Variants in SIPA1L1 observed in about 807,000 individuals in gnomAD.
SIPA1L1 encodes the protein signal induced proliferation associated 1 like 1.
A neutral mutation model predicts 162.7 loss-of-function variants in SIPA1L1; 26 were observed. The ratio of observed to expected loss-of-function variants is 0.16; its 90% CI spans 0.12 to 0.22. The LOEUF is 0.22. SIPA1L1 is among the 10% of genes least tolerant of loss of function. The probability of loss-of-function intolerance (pLI) is 1.00; values close to 1 mark genes in which losing one functional copy is unlikely to be tolerated. For missense variants in SIPA1L1, 1,874 were observed against 2,241.0 expected (o/e 0.84, Z 3.31); for synonymous variants, 829 against 837.4 (o/e 0.99, Z 0.17).
In SIPA1L1 at chr14:71,671,380, C is replaced by T; in HGVS notation, c.2517C>T (p.Ser839=). 1 of 1,614,192 alleles carries T rather than the reference C, an allele frequency of 6.2e-7. No individual in the cohort carries two copies. The highest frequency in any genetic ancestry group is 8.5e-7 in the Non-Finnish European group (1 of 1,180,042). Residue 839 remains serine (S), a synonymous_variant, in exon 11 of 24, where the codon TCC becomes TCT. Coordinates refer to ENST00000381232, the MANE Select transcript of SIPA1L1 (RefSeq NM_001386936.1). The part of the protein sequence containing the change: ...SGKFPFISLA[S]KKKEKSKPYP... The stretch of plus-strand genomic sequence containing the variant: ...AGTTTCCGTTCATCTCTCTGGCTTC[C>T]AAGAAGAAGGAAAAGTCTAAGCCAT...
intron 13 of SIPA1L1, among the ~76,000 whole-genome samples, chr14:71,690,834 GT>G (rs1201082513): frequency 2.0e-5 from 3 of 152,184 alleles, no homozygotes; most frequent in African/African-American, 7.2e-5. Context: ...TAGCTGATCT[GT>G]TTTGCCTTGG....
At chr14:71,345,215 G>C (rs1037481043) in intron 2 of SIPA1L1, among the ~76,000 whole-genome samples, 3 of 152,198 alleles carry the variant, frequency 2.0e-5, no homozygotes, top group African/African-American at 7.2e-5. Context: ...GATTGTAATG[G>C]AGCAGAGGTT....
At chr14:71,652,003 TTAAG>T (rs2042660191) in intron 8 of SIPA1L1, among the ~76,000 whole-genome samples, 1 of 152,176 alleles carries the variant, frequency 6.6e-6, no homozygotes, top group African/African-American at 2.4e-5. Context: ...CTACTCTCCT[TTAAG>T]TAGTTCAACT....
intron 2 of SIPA1L1, among the ~76,000 whole-genome samples, chr14:71,480,695 G>C (rs1369333319): frequency 2.6e-5 from 4 of 152,064 alleles, no homozygotes; most frequent in Admixed American, 2.0e-4. Flanking sequence ...CCAGGAGGCG[G>C]AGTTTGAAGT....
At position 71,587,774 on chromosome 14, in the gene SIPA1L1, G is replaced by C; in HGVS notation, c.-99G>C. 6 of 1,075,738 alleles carry C rather than the reference G, an allele frequency of 5.6e-6. No individual in the cohort carries two copies. Among genetic ancestry groups the C allele is most frequent in the Non-Finnish European group, 8.1e-6 (6 of 741,150 alleles). 66.6% of individuals were successfully genotyped at this position (1,075,738 alleles called of 1,614,324 possible). On this transcript the variant is annotated 5_prime_UTR_variant, in exon 5 of 24. Transcript: ENST00000381232. ...AAGATTAAGATCTCATGCAACTGTT[G>C]TATTTTCTGGAAGCCATTCTCCAAA...
chr14:71,594,226 A>G (rs1006577399), intron 5 of SIPA1L1, among the ~76,000 whole-genome samples: 7 of 152,174 alleles, frequency 4.6e-5, no homozygotes, highest in African/African-American at 1.7e-4. Flanking sequence ...CTTGATTTGT[A>G]CTAAAGTTAC....
chr14:71,534,792 A>G (rs1007507230), intron 4 of SIPA1L1, among the ~76,000 whole-genome samples: 9 of 152,348 alleles, frequency 5.9e-5, no homozygotes, highest in South Asian at 4.1e-4. Flanking sequence ...GGAGAAGCCA[A>G]TGTACATTCA....
At chr14:71,603,766 C>CA (rs1033265253) in intron 5 of SIPA1L1, among the ~76,000 whole-genome samples, 12 of 151,582 alleles carry the variant, frequency 7.9e-5, no homozygotes, top group African/African-American at 2.2e-4. Context: ...GCTAAAAATA[C>CA]AAAAAAATCA....
chr14:71,389,450 C>T (rs1415013673), intron 2 of SIPA1L1, among the ~76,000 whole-genome samples: 2 of 152,106 alleles, frequency 1.3e-5, no homozygotes, highest in Non-Finnish European at 2.9e-5. Flanking sequence ...AAATCTTTTA[C>T]TTATATTTGA....
intron 2 of SIPA1L1, among the ~76,000 whole-genome samples, chr14:71,434,947 G>GT (rs1224963371): frequency 2.0e-5 from 3 of 152,126 alleles, no homozygotes; most frequent in African/African-American, 7.2e-5. Context: ...CTTTCATTGT[G>GT]TTTTATTCCA....
chr14:71,468,038 G>GTC (rs1362058820), intron 2 of SIPA1L1, among the ~76,000 whole-genome samples: 7 of 151,322 alleles, frequency 4.6e-5, no homozygotes, highest in African/African-American at 1.7e-4. Context: ...GTGTGTGTGT[G>GTC]TGTGTGTGTC....
chr14:71,473,256 A>G (rs1005342516), intron 2 of SIPA1L1, among the ~76,000 whole-genome samples: 6 of 152,186 alleles, frequency 3.9e-5, no homozygotes, highest in African/African-American at 1.4e-4. Flanking sequence ...TATAAAAATA[A>G]AATTGCTTTT....
chr14:71,421,439 G>GA (rs1331522563), intron 2 of SIPA1L1, among the ~76,000 whole-genome samples: 25 of 150,072 alleles, frequency 1.7e-4, no homozygotes, highest in African/African-American at 5.9e-4. Flanking sequence ...ACAAAAACGA[G>GA]AAAAAAAAAG....
At chr14:71,502,537 T>A (rs955583173) in intron 2 of SIPA1L1, among the ~76,000 whole-genome samples, 4 of 151,950 alleles carry the variant, frequency 2.6e-5, no homozygotes, top group South Asian at 2.1e-4. Context: ...TGAGCCACCA[T>A]GCCCAGCCTA....
chr14:71,716,060 T>C (rs2083246814), intron 17 of SIPA1L1, among the ~76,000 whole-genome samples: 1 of 152,252 alleles, frequency 6.6e-6, no homozygotes, highest in East Asian at 1.9e-4. Context: ...CTGTTAAATT[T>C]CTGCCTTTTA....
At chr14:71,481,815 T>C (rs971281667) in intron 2 of SIPA1L1, among the ~76,000 whole-genome samples, 23 of 152,276 alleles carry the variant, frequency 1.5e-4, no homozygotes, top group African/African-American at 5.1e-4. Context: ...CAGCAGGATA[T>C]AGGAGTAGAC....
intron 23 of SIPA1L1, 33 bp downstream of exon 23, chr14:71,738,358 T>A: frequency 6.8e-7 from 1 of 1,477,170 alleles, no homozygotes; most frequent in Non-Finnish European, 9.5e-7. Flanking sequence ...AATTGTCCAG[T>A]CTGTACAAAC....
At chr14:71,525,494 G>T (rs1172677578) in intron 3 of SIPA1L1, among the ~76,000 whole-genome samples, 1 of 152,174 alleles carries the variant, frequency 6.6e-6, no homozygotes, top group African/African-American at 2.4e-5. Flanking sequence ...GTAGTGACTA[G>T]ATTTCAATTA....
At chr14:71,681,309 A>C (rs2045786284) in intron 12 of SIPA1L1, among the ~76,000 whole-genome samples, 1 of 152,218 alleles carries the variant, frequency 6.6e-6, no homozygotes, top group Non-Finnish European at 1.5e-5. Flanking sequence ...CTTCACCGTC[A>C]TTCCCGTGAC....
Sources: gnomAD v4.1 joint callset for allele counts (sites outside exome capture counted in the v4.1 genomes callset) on GRCh38, gnomAD v4.1.1 for gene constraint, MANE v1.5 for transcripts, NCBI Gene and HGNC (gene_info 2026-07-23, HGNC 2026-07-21) for gene names.